The following A3GALT2 variants were observed in gnomAD, a reference collection of about 807,000 sequenced individuals.
A3GALT2 encodes alpha 1,3-galactosyltransferase 2.
In A3GALT2, 14 loss-of-function variants were observed where a neutral mutation model predicts 16.6. That is an observed-to-expected ratio of 0.84 (90% confidence interval 0.56 to 1.32). The LOEUF (loss-of-function observed/expected upper bound fraction) is 1.32. Among genes scored for constraint, A3GALT2 ranks in the 40% most tolerant of loss-of-function variants. The pLI, the probability that A3GALT2 is intolerant of heterozygous loss-of-function variation, is 0.00. For missense variants in A3GALT2, 600 were observed against 490.9 expected, an observed-to-expected ratio of 1.22 and a Z score of -2.10; for synonymous variants, 253 against 218.0, an observed-to-expected ratio of 1.16 and a Z score of -1.42.
chr1:33,320,947 A>G lies in A3GALT2; in HGVS notation c.23+129T>C. Reference sequence around the variant, plus strand: ...CGGAGCCACCTTTCCCCAGGACTGGAGGCTCAGCTGGTACTCCTGGGCTCA... The same window carrying G: ...CGGAGCCACCTTTCCCCAGGACTGGGGGCTCAGCTGGTACTCCTGGGCTCA... On this transcript the variant is annotated intron_variant, in intron 1 of 4. Transcript: ENST00000442999. This position sits in a 1 kb window ranked among gnomAD's most constrained non-coding sequence, Gnocchi z 4.3. 8.3e-7 allele frequency: 1 copy of G among 1,206,268 alleles called. No individual in the cohort carries two copies. Among genetic ancestry groups the G allele is most frequent in the South Asian group, 1.3e-5 (1 of 75,946 alleles). 74.7% of individuals were successfully genotyped at this position (1,206,268 alleles called of 1,614,324 possible).
chr1:33,306,790 C>A lies in A3GALT2; in HGVS notation c.999G>T (p.Lys333Asn). ...GCTAGTTCCGCAGCAGCCGGTACCC[C>A]TTGGGCGCCCACAGCAGTCGCGGGC... ...IRRPRLLWAP[K>N]GYRLLRN is the part of the protein sequence containing the mutation. The change falls in exon 5 of 5, where the codon AAG (lysine) becomes AAT (asparagine). Residue 333 changes from lysine to asparagine, a missense_variant. Transcript: ENST00000442999. The A allele has an allele frequency of 7.0e-7, 1 of 1,433,642 alleles. No individual in the cohort carries two copies. Among genetic ancestry groups the A allele is most frequent in the Non-Finnish European group, 9.1e-7 (1 of 1,102,042 alleles). 88.8% of individuals were successfully genotyped at this position (1,433,642 alleles called of 1,614,324 possible). A position where few individuals can be genotyped will look rare whatever the true frequency, so the allele number is the denominator to read the frequency against.
At chr1:33,317,750 G>A (rs1009439591) in intron 1 of A3GALT2, among the ~76,000 whole-genome samples, 1 of 152,234 alleles carries the variant, frequency 6.6e-6, no homozygotes, top group Non-Finnish European at 1.5e-5. Context: ...TTATCCAAAA[G>A]TTTGGACCAA....
chr1:33,308,750 G>GTTGTTTTTTTTTTTTTTTTT (rs1646216251), intron 4 of A3GALT2, among the ~76,000 whole-genome samples: 6 of 46,132 alleles, frequency 1.3e-4, no homozygotes, highest in Non-Finnish European at 1.5e-4. Flanking sequence ...TGTCAAAGTT[G>GTTGTTTTTTTTTTTTTTTTT]TTTTTTTTTT....
chr1:33,312,649 G>A, intron 2 of A3GALT2, 59 bp from the exon 3 acceptor site: 1 of 1,494,402 alleles, frequency 6.7e-7, no homozygotes, highest in Non-Finnish European at 9.1e-7. Context: ...AGCCTGGCCA[G>A]GAGCCCTCTG....
At position 33,321,060 on chromosome 1, in the gene A3GALT2, C is replaced by G. The variant is rs750866421; in HGVS notation, c.23+16G>C. The G allele has an allele frequency of 1.9e-6, 3 of 1,613,098 alleles. No homozygotes were observed. Among genetic ancestry groups the G allele is most frequent in the African/African-American group, 2.7e-5 (2 of 75,010 alleles). The stretch of plus-strand genomic sequence containing the variant: ...CCCCAAGCTTTCTTCCTCTCCATAC[C>G]ATTGTCCCCCCTCACCTGAGTCCCT... On this transcript the variant is annotated intron_variant, in intron 1 of 4. Coordinates refer to ENST00000442999, the MANE Select transcript of A3GALT2 (RefSeq NM_001080438.1).
chr1:33,312,860 G>A lies in A3GALT2; in HGVS notation c.54C>T (p.Ile18=). Residue 18 remains isoleucine, a synonymous_variant, in exon 2 of 5, where the codon ATC becomes ATT. Coordinates refer to ENST00000442999, the MANE Select transcript of A3GALT2 (RefSeq NM_001080438.1). ...GGCCTAAGAGGCCAAGTGTAAGTAGGATCTGCCGCCAGAAGATTCTCTTCC... is the reference window on the plus strand; with the variant it reads ...GGCCTAAGAGGCCAAGTGTAAGTAGAATCTGCCGCCAGAAGATTCTCTTCC... The part of the protein sequence containing the change: ...RAWKRIFWRQ[I]LLTLGLLGLF... The A allele has an allele frequency of 6.2e-7, 1 of 1,607,070 alleles. No homozygotes were observed. Among genetic ancestry groups the A allele is most frequent in the South Asian group, 1.1e-5 (1 of 89,292 alleles).
In A3GALT2 at chr1:33,307,145, T is replaced by C. The variant is rs755655490; in HGVS notation, c.644A>G (p.Glu215Gly). 12 of 1,551,192 alleles carry C rather than the reference T, an allele frequency of 7.7e-6. No homozygotes were observed. The South Asian group carries it at 1.3e-4, about 17-fold the overall frequency. Residue 215 changes from glutamate (E) to glycine (G), a missense_variant, in exon 5 of 5, where the codon GAG becomes GGG. Physicochemically the swap from Glu to Gly is moderately conservative, Grantham distance 98 (BLOSUM62 -2). Transcript: ENST00000442999. ...CCAGGAGTGCAGCTGCGCCACCGACTCGGCCAGCGCCTCGGGCCCAAAAGT... is the reference window on the plus strand; with the variant it reads ...CCAGGAGTGCAGCTGCGCCACCGACCCGGCCAGCGCCTCGGGCCCAAAAGT... ...SGTFGPEALA[E>G]SVAQLHSWHY...
rs755904801 is a variant in A3GALT2 at position 33,312,461 on chromosome 1, T to C, written c.197+40A>G. 3 of 1,523,866 alleles carry C rather than the reference T, an allele frequency of 2.0e-6. No individual in the cohort carries two copies. The African/African-American group carries it at 4.2e-5, about 21-fold the overall frequency. The allele number at this position is 1,523,866 out of a possible 1,614,324, so 94.4% of individuals were successfully genotyped here. A position where few individuals can be genotyped will look rare whatever the true frequency, so the allele number is the denominator to read the frequency against. ...ACATGGGGCAGAGCTGTGTAGGGTT[T>C]GGGGGTGCCCTTGGAGTAGGAGGGA... On this transcript the variant is annotated intron_variant, in intron 3 of 4. Transcript: ENST00000442999.
chr1:33,315,882 C>T (rs1408383016), intron 1 of A3GALT2, among the ~76,000 whole-genome samples: 1 of 152,196 alleles, frequency 6.6e-6, no homozygotes, highest in Non-Finnish European at 1.5e-5. Context: ...GAATGAGACA[C>T]AGACCCTGTC....
chr1:33,312,242 G>C, intron 3 of A3GALT2, 53 bp from the exon 4 acceptor site: 1 of 1,604,008 alleles, frequency 6.2e-7, no homozygotes, highest in Non-Finnish European at 8.5e-7. Context: ...CCACCCACTT[G>C]GTGCATGTTC....
At chr1:33,318,404 C>T (rs1220181771) in intron 1 of A3GALT2, among the ~76,000 whole-genome samples, 4 of 151,958 alleles carry the variant, frequency 2.6e-5, no homozygotes, top group East Asian at 1.9e-4. Flanking sequence ...CTGCCATTCA[C>T]TCTCCCCTTC....
intron 4 of A3GALT2, among the ~76,000 whole-genome samples, chr1:33,310,719 T>C (rs1209238371): frequency 6.6e-6 from 1 of 152,184 alleles, no homozygotes; most frequent in African/African-American, 2.4e-5. Flanking sequence ...ATCAGAGACC[T>C]AGGAAATCTC....
chr1:33,307,492 G>A (rs1213470021), intron 4 of A3GALT2, 39 bp from the exon 5 acceptor site: 1 of 1,421,556 alleles, frequency 7.0e-7, no homozygotes, highest in South Asian at 1.5e-5. Context: ...AGAGTGAAGC[G>A]AGGCGGGCCC....
At chr1:33,309,511 C>T (rs1363768203) in intron 4 of A3GALT2, among the ~76,000 whole-genome samples, 2 of 151,936 alleles carry the variant, frequency 1.3e-5, no homozygotes, top group Admixed American at 1.3e-4. Flanking sequence ...CTGGATGGGG[C>T]GGCTGCTGGG....
At chr1:33,316,067 G>A (rs1162616941) in intron 1 of A3GALT2, among the ~76,000 whole-genome samples, 2 of 152,312 alleles carry the variant, frequency 1.3e-5, no homozygotes, top group East Asian at 1.9e-4. Context: ...CTGAGCCTTC[G>A]TAGATGAGGA....
intron 1 of A3GALT2, among the ~76,000 whole-genome samples, chr1:33,315,040 A>T (rs1011035127): frequency 6.6e-6 from 1 of 152,132 alleles, no homozygotes; most frequent in Non-Finnish European, 1.5e-5. Context: ...TGAGGCCAGG[A>T]GTTCGAGATC....
intron 1 of A3GALT2, 65 bp downstream of exon 1, chr1:33,321,011 C>T (rs1024500411): frequency 2.5e-6 from 4 of 1,600,806 alleles, no homozygotes; most frequent in Non-Finnish European, 3.4e-6. Context: ...AGCCATCAGA[C>T]TGGATCCCTC....
At chr1:33,317,595 G>A (rs1308998110) in intron 1 of A3GALT2, among the ~76,000 whole-genome samples, 1 of 152,148 alleles carries the variant, frequency 6.6e-6, no homozygotes, top group East Asian at 1.9e-4. Context: ...CTTGCCTGCA[G>A]CTAGGAATGG....
chr1:33,312,356 A>T (rs1646237009), intron 3 of A3GALT2, 145 bp downstream of exon 3: 2 of 1,271,330 alleles, frequency 1.6e-6, no homozygotes, highest in Admixed American at 5.2e-5. Context: ...GGACTGGGAG[A>T]TGTGTGGCCC....
Sources: allele counts gnomAD v4.1 joint callset (sites outside exome capture counted in the v4.1 genomes callset), GRCh38; gene constraint gnomAD v4.1.1; non-coding constraint Gnocchi (gnomAD v3.1); transcripts MANE v1.5; gene names NCBI Gene and HGNC (gene_info 2026-07-23, HGNC 2026-07-21).